HDAC9: variants seen among roughly 807,000 people sequenced by gnomAD.
HDAC9 encodes histone deacetylase 9.
HDAC9 carries 41 observed loss-of-function variants against 139.4 expected under a neutral mutation model. That is an observed-to-expected ratio of 0.29 (90% CI 0.23 to 0.38). The LOEUF is 0.38. HDAC9 is among the 10% of genes least tolerant of loss of function. The pLI is 1.00. For synonymous variants in HDAC9, 517 were observed against 476.2 expected (o/e 1.09, Z -1.12); for missense variants, 1,147 against 1,297.0 (o/e 0.88, Z 1.78).
chr7:18,439,546 C>T (rs1160648793), intron 1 of HDAC9, among the ~76,000 whole-genome samples: 1 of 152,058 alleles, frequency 6.6e-6, no homozygotes, highest in Admixed American at 6.5e-5. Flanking sequence ...TCACCTTCCC[C>T]GATTCATTAC....
intron 1 of HDAC9, among the ~76,000 whole-genome samples, chr7:18,455,028 G>GC: frequency 6.6e-6 from 1 of 152,140 alleles, no homozygotes; most frequent in East Asian, 1.9e-4. Flanking sequence ...ATTCACAGCT[G>GC]CCTTTGGTCT....
intron 2 of HDAC9, among the ~76,000 whole-genome samples, chr7:18,254,188 T>C (rs546513790): frequency 1.3e-5 from 2 of 152,294 alleles, no homozygotes; most frequent in South Asian, 4.1e-4. Flanking sequence ...AGCACCTATT[T>C]TAAAAGAAAT....
At chr7:18,922,096 G>T (rs1206575626) in intron 22 of HDAC9, among the ~76,000 whole-genome samples, 1 of 145,516 alleles carries the variant, frequency 6.9e-6, no homozygotes, top group Non-Finnish European at 1.5e-5. Flanking sequence ...GGGGAGGGGG[G>T]AAGGATAGCA....
At chr7:18,187,900 T>C (rs1478931314) in intron 2 of HDAC9, among the ~76,000 whole-genome samples, 1 of 152,214 alleles carries the variant, frequency 6.6e-6, no homozygotes, top group African/African-American at 2.4e-5. Flanking sequence ...TTCCCAGGCT[T>C]GTCTGATAAG....
intron 1 of HDAC9, among the ~76,000 whole-genome samples, chr7:18,458,595 T>C (rs1183523805): frequency 6.6e-6 from 1 of 152,268 alleles, no homozygotes; most frequent in African/African-American, 2.4e-5. Context: ...TACTGTGTTT[T>C]AACTGATGAA....
At chr7:18,976,554 T>G (rs536707390) in intron 25 of HDAC9, among the ~76,000 whole-genome samples, 5 of 152,280 alleles carry the variant, frequency 3.3e-5, no homozygotes, top group African/African-American at 1.2e-4. Context: ...ACAGAATTGG[T>G]TTTAATGTAT....
chr7:18,521,728 T>G (rs113929836), intron 2 of HDAC9, among the ~76,000 whole-genome samples: 3 of 152,190 alleles, frequency 2.0e-5, no homozygotes, highest in Non-Finnish European at 4.4e-5. Context: ...TTTCCAGTTT[T>G]TAGAAAAACG....
At chr7:18,409,638 T>G (rs753528459) in intron 1 of HDAC9, among the ~76,000 whole-genome samples, 6 of 152,200 alleles carry the variant, frequency 3.9e-5, no homozygotes, top group Non-Finnish European at 5.9e-5. Flanking sequence ...TAATTTTACT[T>G]ACATTTAATA....
At chr7:18,498,733 T>A (rs901880951) in intron 2 of HDAC9, among the ~76,000 whole-genome samples, 1 of 152,022 alleles carries the variant, frequency 6.6e-6, no homozygotes, top group African/African-American at 2.4e-5. Context: ...GTGTACTGAT[T>A]TTTTTACTCA....
rs187335805 is a variant in HDAC9 at position 18,191,604 on chromosome 7, C to T, written c.25+29255C>T. On this transcript the variant is annotated intron_variant, in intron 2 of 12. Transcript: ENST00000417496. ...GGGAAGTTAATGGTGTTTGTTTTTC[C>T]TCCAGAATTAGTAGTTCAGAAATTA... 1.6e-3 allele frequency among the ~76,000 whole-genome samples: 244 copies of T among 152,218 alleles called. 2 individuals are homozygous for T. The highest frequency in any genetic ancestry group is 5.7e-3 in the African/African-American group (237 of 41,550).
chr7:18,406,499 T>C (rs1788022143), intron 1 of HDAC9, among the ~76,000 whole-genome samples: 1 of 152,178 alleles, frequency 6.6e-6, no homozygotes, highest in Non-Finnish European at 1.5e-5. Flanking sequence ...GTTTACGCCA[T>C]TTTCCTGCCT....
intron 17 of HDAC9, among the ~76,000 whole-genome samples, chr7:18,803,676 AT>A (rs949829209): frequency 4.6e-5 from 7 of 150,866 alleles, no homozygotes; most frequent in African/African-American, 7.3e-5. Flanking sequence ...TAGATTTTCT[AT>A]TTTTTTTCTC....
chr7:18,476,764 G>T (rs113553326), intron 1 of HDAC9, among the ~76,000 whole-genome samples: 1 of 151,772 alleles, frequency 6.6e-6, no homozygotes, highest in Non-Finnish European at 1.5e-5. Flanking sequence ...TTTTTTCTTC[G>T]TTCTCTGTCC....
chr7:18,546,115 C>T (rs949892168), intron 2 of HDAC9, among the ~76,000 whole-genome samples: 12 of 152,202 alleles, frequency 7.9e-5, no homozygotes, highest in African/African-American at 2.6e-4. Context: ...GCTTTTCTTC[C>T]TGCCCCTTTT....
chr7:18,342,342 T>C (rs186836838), intron 1 of HDAC9, among the ~76,000 whole-genome samples: 1 of 151,836 alleles, frequency 6.6e-6, no homozygotes, highest in African/African-American at 2.4e-5. Context: ...GGCATTAAAC[T>C]GGAACAATAT....
intron 2 of HDAC9, among the ~76,000 whole-genome samples, chr7:18,213,834 C>G (rs569142382): frequency 2.0e-3 from 302 of 152,228 alleles, no homozygotes; most frequent in Non-Finnish European, 3.8e-3. Flanking sequence ...GACATGTCTA[C>G]CAGGCATCAT....
At chr7:18,576,244 G>A (rs1363808392) in intron 2 of HDAC9, among the ~76,000 whole-genome samples, 2 of 152,180 alleles carry the variant, frequency 1.3e-5, no homozygotes, top group Non-Finnish European at 2.9e-5. Flanking sequence ...GCACACTATG[G>A]AGAAACAGGC....
At chr7:18,494,598 A>G (rs975402124), upstream of HDAC9, among the ~76,000 whole-genome samples, 2 of 152,086 alleles carry the variant, frequency 1.3e-5, no homozygotes, top group African/African-American at 4.8e-5. Flanking sequence ...TTTATCTCTT[A>G]TATAGAAAGG....
At chr7:18,931,760 GA>G (rs2129305927) in intron 22 of HDAC9, among the ~76,000 whole-genome samples, 1 of 152,194 alleles carries the variant, frequency 6.6e-6, no homozygotes, top group African/African-American at 2.4e-5. Flanking sequence ...AAATTCTAGT[GA>G]ATACATCCTG....
Sources: allele counts gnomAD v4.1 joint callset (sites outside exome capture counted in the v4.1 genomes callset), GRCh38; gene constraint gnomAD v4.1.1; transcripts MANE v1.5; gene names NCBI Gene and HGNC (gene_info 2026-07-23, HGNC 2026-07-21).